The following RBM48 variants were observed in gnomAD, a reference collection of about 807,000 sequenced individuals.
RBM48 encodes the protein RNA-binding protein 48.
Under a neutral mutation model 34.8 loss-of-function variants are expected in RBM48, and 32 were observed. The ratio of observed to expected loss-of-function variants is 0.92; its 90% CI spans 0.69 to 1.23. The LOEUF is 1.23. RBM48 is among the 50% of genes most tolerant of loss of function. The pLI is 0.00. For missense variants in RBM48, 441 were observed against 447.2 expected (o/e 0.99, Z 0.12); for synonymous variants, 151 against 156.2 (o/e 0.97, Z 0.25).
In RBM48 at chr7:92,529,598, A is replaced by T; in HGVS notation, c.234A>T (p.Leu78=). The T allele has an allele frequency of 6.2e-7, 1 of 1,610,754 alleles. No individual in the cohort carries two copies. The highest frequency in any genetic ancestry group is 1.1e-5 in the South Asian group (1 of 90,650). ...GTGCAATTGAACAGTACAATGCTCT[A>T]GATGAATACCCAGCAGAAGACTTTA... The part of the protein sequence containing the change: ...LYGAIEQYNA[L]DEYPAEDFTE... The change falls in exon 2 of 5, where the codon CTA becomes CTT. Residue 78 remains leucine, a synonymous_variant. Transcript: ENST00000265732.
chr7:92,536,470 C>T, intron 4 of RBM48: 1 of 987,588 alleles, frequency 1.0e-6, no homozygotes, highest in South Asian at 4.7e-5. Context: ...CTCATTTCTC[C>T]AAAGGTTTTC....
In RBM48 at chr7:92,529,570, A is replaced by G; in HGVS notation, c.206A>G (p.Tyr69Cys). 3 of 1,610,408 alleles carry G rather than the reference A, an allele frequency of 1.9e-6. No individual in the cohort carries two copies. The highest frequency in any genetic ancestry group is 1.3e-5 in the African/African-American group (1 of 74,968). Reference sequence around the variant, plus strand: ...GAATTAGTTGAGCGATTCGCTTTATATGGTGCAATTGAACAGTACAATGCT... The same window carrying G: ...GAATTAGTTGAGCGATTCGCTTTATGTGGTGCAATTGAACAGTACAATGCT... ...MKELVERFAL[Y>C]GAIEQYNALD... Residue 69 changes from tyrosine to cysteine, a missense_variant, in exon 2 of 5, where the codon TAT (tyrosine) becomes TGT (cysteine). Transcript: ENST00000265732.
In RBM48 at chr7:92,538,492, T is replaced by C. The variant is rs1793780228; in HGVS notation, c.*1555T>C. Among the ~76,000 whole-genome samples, 1 of 152,140 alleles carries C rather than the reference T, an allele frequency of 6.6e-6. No homozygotes were observed. Among genetic ancestry groups the C allele is most frequent in the Non-Finnish European group, 1.5e-5 (1 of 68,036 alleles). Reference sequence around the variant, plus strand: ...TCTCCTCACACTGATCCAAATTAACTAGGATGGCTCCAAGTGGTAGATGGT... The same window carrying C: ...TCTCCTCACACTGATCCAAATTAACCAGGATGGCTCCAAGTGGTAGATGGT... On this transcript the variant is annotated 3_prime_UTR_variant, in exon 5 of 5. Coordinates refer to ENST00000265732, the MANE Select transcript of RBM48 (RefSeq NM_032120.4).
rs1019448078 is a variant in RBM48, at chr7:92,539,821, C to G, written c.*2884C>G. 6.6e-6 allele frequency among the ~76,000 whole-genome samples: 1 copy of G among 152,180 alleles called. No individual in the cohort carries two copies. The highest frequency in any genetic ancestry group is 1.9e-4 in the East Asian group (1 of 5,192). On this transcript the variant is annotated 3_prime_UTR_variant, in exon 5 of 5. Transcript: ENST00000265732. ...TACTTGCAGCTCAGAAAACTTTTGTCAGATGCATACATGAAAAACCTTCAT... is the reference window on the plus strand; with the variant it reads ...TACTTGCAGCTCAGAAAACTTTTGTGAGATGCATACATGAAAAACCTTCAT...
chr7:92,536,607 C>CT (rs1274999936), intron 4 of RBM48: 22 of 1,120,476 alleles, frequency 2.0e-5, no homozygotes, highest in Non-Finnish European at 2.4e-5. Flanking sequence ...CATATGTTCA[C>CT]TTTTCTTCCT....
Position 92,540,102 on chromosome 7 carries a change from G to A in RBM48, c.*3165G>A, listed in dbSNP as rs1279581228. Reference sequence around the variant, plus strand: ...TATAGTTACTGAAATAATCATGAATGTCTTCTTGGGGCCCAAATGCCAGGA... The same window carrying A: ...TATAGTTACTGAAATAATCATGAATATCTTCTTGGGGCCCAAATGCCAGGA... On this transcript the variant is annotated 3_prime_UTR_variant, in exon 5 of 5. Coordinates refer to ENST00000265732, the MANE Select transcript of RBM48 (RefSeq NM_032120.4). 2.0e-5 allele frequency among the ~76,000 whole-genome samples: 3 copies of A among 152,226 alleles called. No individual in the cohort carries two copies. Among genetic ancestry groups the A allele is most frequent in the Admixed American group, 2.0e-4 (3 of 15,288 alleles).
rs1212867662 is a variant in RBM48, at chr7:92,533,988, A to AAAAT, written c.449-413_449-412insAATA. ...ATTGTAAAAAAAAAAAAAAAAAAAA[A>AAAAT]ACCTTTCTATATAATGATGAAAAAC... On this transcript the variant is annotated intron_variant, in intron 3 of 4. Transcript: ENST00000265732. Among the ~76,000 whole-genome samples the AAAAT allele has an allele frequency of 2.8e-4, 42 of 148,944 alleles. 1 individual carries two copies. Among genetic ancestry groups the AAAAT allele is most frequent in the African/African-American group, 1.0e-3 (41 of 40,860 alleles).
intron 3 of RBM48, 94 bp downstream of exon 3, chr7:92,532,643 A>C: frequency 1.2e-6 from 1 of 851,740 alleles, no homozygotes; most frequent in South Asian, 1.7e-5. Context: ...AGGAGAGGCA[A>C]GTAAACCATC....
At chr7:92,536,726 G>A (rs6465360) in intron 4 of RBM48, 125 bp from the exon 5 acceptor site, 8 of 1,368,884 alleles carry the variant, frequency 5.8e-6, no homozygotes, top group Non-Finnish European at 6.6e-6. Context: ...GAACTTAGGC[G>A]AACTCTGCCT....
rs746223982 is a variant in RBM48, at chr7:92,534,578, A to G, written c.625A>G (p.Lys209Glu). The G allele has an allele frequency of 6.2e-7, 1 of 1,614,154 alleles. No homozygotes were observed. The highest frequency in any genetic ancestry group is 8.5e-7 in the Non-Finnish European group (1 of 1,180,024). The change falls in exon 4 of 5, where the codon AAA becomes GAA. Residue 209 changes from lysine (K) to glutamate (E), a missense_variant. By Grantham distance (56) the Lys-to-Glu change is moderately conservative. Transcript: ENST00000265732. ...CELPLCYFSSKCMCSSGGPVD... is the reference protein window; with the variant it reads ...CELPLCYFSSECMCSSGGPVD... ...ATTGCCTTTATGTTATTTCTCCTCA[A>G]AATGTATGTGTTCATCCGGGGGACC...
rs953901866 is a variant in RBM48 at position 92,539,570 on chromosome 7, A to C, written c.*2633A>C. ...TACAAAAAGCCAGGCGTGGTGGCAA[A>C]TGCCTATAATCCCAGCTACTCGGGA... On this transcript the variant is annotated 3_prime_UTR_variant, in exon 5 of 5. Transcript: ENST00000265732. 3.3e-5 allele frequency among the ~76,000 whole-genome samples: 5 copies of C among 152,162 alleles called. No homozygotes were observed. The highest frequency in any genetic ancestry group is 7.4e-5 in the Non-Finnish European group (5 of 68,026).
chr7:92,531,582 A>G (rs1343522986), intron 2 of RBM48, among the ~76,000 whole-genome samples: 1 of 152,142 alleles, frequency 6.6e-6, no homozygotes, highest in Admixed American at 6.5e-5. Flanking sequence ...ATGTAATTTC[A>G]CTTTCTTAAC....
chr7:92,534,230 C>T (rs749107599), intron 3 of RBM48, 172 bp from the exon 4 acceptor site: 27 of 948,406 alleles, frequency 2.8e-5, no homozygotes, highest in Admixed American at 1.3e-4. Flanking sequence ...TCTTTTTATC[C>T]GTTTTAGGTT....
At position 92,529,509 on chromosome 7, in the gene RBM48, T is replaced by G. The variant is rs1343082345; in HGVS notation, c.145T>G (p.Leu49Val). The change falls in exon 2 of 5, where the codon TTA becomes GTA. Residue 49 changes from leucine to valine, a missense_variant. Coordinates refer to ENST00000265732, the MANE Select transcript of RBM48 (RefSeq NM_032120.4). ...YTINLESQYLLIQGVPAVGVM... is the reference protein window; with the variant it reads ...YTINLESQYLVIQGVPAVGVM... ...AATCAATTTGGAATCTCAGTACTTA[T>G]TAATACAAGGAGTTCCTGCTGTGGG... 1 of 1,608,496 alleles carries G rather than the reference T, an allele frequency of 6.2e-7. No individual in the cohort carries two copies. The highest frequency in any genetic ancestry group is 8.5e-7 in the Non-Finnish European group (1 of 1,176,590).
In RBM48 at chr7:92,534,438, A is replaced by C. The variant is rs370698359; in HGVS notation, c.485A>C (p.His162Pro). ...ACAAAGAAGAAATTGGTTACAGAGC[A>C]TAAAGACACAGAGGATTTTAGACAA... is the stretch of plus-strand genomic sequence containing the variant. Reference protein sequence around the residue: ...YVTKKKLVTEHKDTEDFRQDF... With the variant: ...YVTKKKLVTEPKDTEDFRQDF... The change falls in exon 4 of 5, where the codon CAT becomes CCT. Residue 162 changes from histidine (H) to proline (P), a missense_variant. Coordinates refer to ENST00000265732, the MANE Select transcript of RBM48 (RefSeq NM_032120.4). The C allele has an allele frequency of 6.2e-7, 1 of 1,613,844 alleles. No individual in the cohort carries two copies. Among genetic ancestry groups the C allele is most frequent in the South Asian group, 1.1e-5 (1 of 91,034 alleles).
At chr7:92,536,388 G>C in intron 4 of RBM48, 2 of 985,210 alleles carry the variant, frequency 2.0e-6, no homozygotes, top group Non-Finnish European at 2.4e-6. Context: ...TATACTCTTT[G>C]TACACTCTTT....
intron 4 of RBM48, chr7:92,536,376 T>C: frequency 1.0e-6 from 1 of 984,822 alleles, no homozygotes; most frequent in Non-Finnish European, 1.2e-6. Flanking sequence ...TTTGACTTAT[T>C]GTATACTCTT....
chr7:92,532,677 A>G, intron 3 of RBM48, 128 bp downstream of exon 3: 1 of 666,646 alleles, frequency 1.5e-6, no homozygotes, highest in South Asian at 1.9e-5. Context: ...ACTGTGAACC[A>G]CAGGGTTCTC....
intron 1 of RBM48, 83 bp from the exon 2 acceptor site, chr7:92,529,393 A>G (rs981192203): frequency 3.8e-5 from 31 of 810,962 alleles, no homozygotes; most frequent in Non-Finnish European, 5.7e-5. Flanking sequence ...CTTGTTTTCA[A>G]AGTTCTCTTT....
Sources: allele counts gnomAD v4.1 joint callset (sites outside exome capture counted in the v4.1 genomes callset), GRCh38; gene constraint gnomAD v4.1.1; transcripts MANE v1.5; gene names NCBI Gene and HGNC (gene_info 2026-07-23, HGNC 2026-07-21).